MUC6: variants seen among roughly 807,000 people sequenced by gnomAD.
MUC6 encodes the protein mucin 6, oligomeric mucus/gel-forming (gene/pseudogene), also known as mucin-6.
Under a neutral mutation model 201.5 loss-of-function variants are expected in MUC6, and 188 were observed. That is an observed-to-expected ratio of 0.93 (90% CI 0.83 to 1.05). MUC6 has a LOEUF of 1.05. Among genes scored for constraint, MUC6 ranks in the 50% least tolerant of loss-of-function variants. MUC6 has a pLI of 0.00. For missense variants in MUC6, 2,706 were observed against 3,256.9 expected (o/e 0.83, Z 4.12); for synonymous variants, 1,228 against 1,389.4 (o/e 0.88, Z 2.58).
intron 29 of MUC6, 76 bp downstream of exon 29, chr11:1,020,014 C>T: frequency 2.0e-6 from 3 of 1,526,676 alleles, no homozygotes; most frequent in Non-Finnish European, 2.7e-6. Flanking sequence ...CAGGGCCATC[C>T]CTAAGCCCAC....
At chr11:1,027,089 G>C (rs781350262) in intron 18 of MUC6, 39 bp from the exon 19 acceptor site, 1 of 1,609,440 alleles carries the variant, frequency 6.2e-7, no homozygotes, top group Admixed American at 1.7e-5. Context: ...ACACTCAGAG[G>C]AAGCCGGGGC....
intron 1 of MUC6, among the ~76,000 whole-genome samples, chr11:1,034,286 C>T (rs889011480): frequency 3.9e-5 from 6 of 152,304 alleles, no homozygotes; most frequent in Admixed American, 1.3e-4. Context: ...GCCTTGAGAT[C>T]GTTTTCTGAT....
chr11:1,014,677 G>A lies in MUC6; in HGVS notation c.7040-676C>T, dbSNP rs575071876. ...TTTAAAAGTGGAAAAGGAGTCCTGGGGTAAAGGCTGGACTCTGCTGCCCGT... is the reference window on the plus strand; with the variant it reads ...TTTAAAAGTGGAAAAGGAGTCCTGGAGTAAAGGCTGGACTCTGCTGCCCGT... On this transcript the variant is annotated intron_variant, in intron 31 of 32. Transcript: ENST00000421673. Among the ~76,000 whole-genome samples, 3 of 152,208 alleles carry A rather than the reference G, an allele frequency of 2.0e-5. No individual in the cohort carries two copies. The South Asian group carries it at 6.2e-4, about 31-fold the overall frequency.
In MUC6 at chr11:1,028,398, G is replaced by A. The variant is rs375767760; in HGVS notation, c.1592-11C>T. On this transcript the variant is annotated splice_polypyrimidine_tract_variant and intron_variant, in intron 13 of 32. Coordinates refer to ENST00000421673, the MANE Select transcript of MUC6 (RefSeq NM_005961.3). ...AGTTGCCGCAGAGCCCTGAGCCGGCGGGGCGTGAGCTCGACTTGAACCCAT... is the reference window on the plus strand; with the variant it reads ...AGTTGCCGCAGAGCCCTGAGCCGGCAGGGCGTGAGCTCGACTTGAACCCAT... 1.3e-5 allele frequency: 21 copies of A among 1,610,602 alleles called. No individual in the cohort carries two copies. The highest frequency in any genetic ancestry group is 6.7e-5 in the African/African-American group (5 of 75,046).
At position 1,017,607 on chromosome 11, in the gene MUC6, C is replaced by A. The variant is rs775218057; in HGVS notation, c.5194G>T (p.Gly1732Trp). 1.3e-5 allele frequency: 16 copies of A among 1,243,304 alleles called. No individual in the cohort carries two copies. The highest frequency in any genetic ancestry group is 1.7e-5 in the Non-Finnish European group (16 of 948,484). The allele number at this position is 1,243,304 out of a possible 1,614,324, so 77.0% of individuals were successfully genotyped here. ...AATGAGCTTCGGGATTGGCTGGTCC[C>A]ACTGGTGGTCACTGTCATTGGTGGG... ...GTPPMTVTTSGTSQSRSSFST... is the reference protein window; with the variant it reads ...GTPPMTVTTSWTSQSRSSFST... Residue 1732 changes from glycine to tryptophan, a missense_variant, in exon 31 of 33, where the codon GGG (glycine) becomes TGG (tryptophan). This residue lies in a region of MUC6 where 23 missense variants were observed against 16.1 expected (regional missense o/e 1.42). Transcript: ENST00000421673.
intron 16 of MUC6, 41 bp downstream of exon 16, chr11:1,027,644 C>T: frequency 6.3e-7 from 1 of 1,577,454 alleles, no homozygotes; most frequent in Non-Finnish European, 8.6e-7. Context: ...CTCGTGAGCC[C>T]AGCCTGCCGT....
chr11:1,034,677 C>T (rs1857177818), intron 1 of MUC6, among the ~76,000 whole-genome samples: 1 of 152,202 alleles, frequency 6.6e-6, no homozygotes, highest in Admixed American at 6.5e-5. Context: ...CTGGGCAATG[C>T]CCCCTGCAAC....
At position 1,018,625 on chromosome 11, in the gene MUC6, T is replaced by C; in HGVS notation, c.4176A>G (p.Arg1392=). The stretch of plus-strand genomic sequence containing the variant: ...GGGGCGTTGTGTATTCAGTAGTCGT[T>C]CTTGTTTGAGTGGTCTCTGTGGCTG... ...RPTATETTQT[R]TTTEYTTPQT... Residue 1392 remains arginine, a synonymous_variant, in exon 31 of 33, where the codon AGA becomes AGG. Coordinates refer to ENST00000421673, the MANE Select transcript of MUC6 (RefSeq NM_005961.3). 6.2e-7 allele frequency: 1 copy of C among 1,612,680 alleles called. No individual in the cohort carries two copies. The highest frequency in any genetic ancestry group is 1.3e-5 in the African/African-American group (1 of 74,592).
At chr11:1,027,864 G>A (rs1265669955) in intron 15 of MUC6, 47 bp from the exon 16 acceptor site, 1 of 1,592,462 alleles carries the variant, frequency 6.3e-7, no homozygotes, top group Non-Finnish European at 8.5e-7. Context: ...ACCCTGCCCT[G>A]GGGACATGGG....
At chr11:1,030,164 GT>G in intron 8 of MUC6, 48 bp downstream of exon 8, 1 of 1,514,514 alleles carries the variant, frequency 6.6e-7, no homozygotes, top group Non-Finnish European at 8.9e-7. Context: ...TTGTCTCTGG[GT>G]TCTCTCTAGG....
At chr11:1,031,117 G>GGGGGCC in intron 5 of MUC6, 52 bp downstream of exon 5, 3 of 1,230,414 alleles carry the variant, frequency 2.4e-6, no homozygotes, top group Non-Finnish European at 2.1e-6. Context: ...CCCCTGCCCT[G>GGGGGCC]CCCCCCACCT....
chr11:1,013,863 G>A, intron 32 of MUC6, 36 bp downstream of exon 32: 1 of 1,569,298 alleles, frequency 6.4e-7, no homozygotes, highest in Non-Finnish European at 8.6e-7. Context: ...GAGCACCTTG[G>A]TGGACGTGGG....
At position 1,013,338 on chromosome 11, in the gene MUC6, G is replaced by C. The variant is rs1221462265; in HGVS notation, c.*118C>G. The C allele has an allele frequency of 8.6e-7, 1 of 1,159,308 alleles. No individual in the cohort carries two copies. The highest frequency in any genetic ancestry group is 1.2e-6 in the Non-Finnish European group (1 of 838,848). The allele number at this position is 1,159,308 out of a possible 1,614,324, so 71.8% of individuals were successfully genotyped here. ...GGGAGCCACGGCCCAGGGCACTTGG[G>C]GGCCAGGCCTGGTGACCAGGAAAGC... is the stretch of plus-strand genomic sequence containing the variant. On this transcript the variant is annotated 3_prime_UTR_variant, in exon 33 of 33. Transcript: ENST00000421673.
At chr11:1,021,733 C>T (rs1365231697) in intron 26 of MUC6, among the ~76,000 whole-genome samples, 1 of 151,998 alleles carries the variant, frequency 6.6e-6, no homozygotes, top group Non-Finnish European at 1.5e-5. Context: ...GCTTATCACC[C>T]GGGGCTGGGG....
chr11:1,027,431 CGGT>C lies in MUC6; in HGVS notation c.2065_2067del (p.Thr689del), dbSNP rs763666613. On this transcript the variant is annotated inframe_deletion, in exon 17 of 33. Coordinates refer to ENST00000421673, the MANE Select transcript of MUC6 (RefSeq NM_005961.3). ...ACGGGCACGGCGCTGTGGTGGCACT[CGGT>C]GGCACGGTCCGACAGCGACAGGCAG... is the stretch of plus-strand genomic sequence containing the variant. 5.6e-6 allele frequency: 9 copies of C among 1,612,650 alleles called. No homozygotes were observed. The highest frequency in any genetic ancestry group is 1.3e-5 in the African/African-American group (1 of 74,928).
rs771233673 is a variant in MUC6, at chr11:1,028,870, AGACT to A, written c.1453+15_1453+18del. On this transcript the variant is annotated intron_variant, in intron 12 of 32. Transcript: ENST00000421673. ...CGAAGGCACAACTCTGGGGGGCCAC[AGACT>A]GGGCCAGGACGTACGAGTCTTGTAT... The A allele has an allele frequency of 3.7e-6, 6 of 1,611,210 alleles. No homozygotes were observed. Among genetic ancestry groups the A allele is most frequent in the Non-Finnish European group, 5.1e-6 (6 of 1,179,850 alleles).
chr11:1,014,034 G>C, intron 31 of MUC6, 33 bp from the exon 32 acceptor site: 1 of 1,557,868 alleles, frequency 6.4e-7, no homozygotes, highest in African/African-American at 1.4e-5. Context: ...GCAGCGCCCA[G>C]GGTGGGCATG....
intron 21 of MUC6, 31 bp downstream of exon 21, chr11:1,025,969 C>T (rs373612552): frequency 1.3e-4 from 212 of 1,587,854 alleles, no homozygotes; most frequent in Non-Finnish European, 1.1e-4. Flanking sequence ...TCTGGGTCCC[C>T]GGCCCCTGCG....
intron 2 of MUC6, 123 bp downstream of exon 2, chr11:1,032,889 GT>G: frequency 1.3e-6 from 1 of 761,264 alleles, no homozygotes; most frequent in South Asian, 1.9e-5. Context: ...GTGTGTTCAT[GT>G]TGGTGCATAT....
Sources: allele counts gnomAD v4.1 joint callset (sites outside exome capture counted in the v4.1 genomes callset), GRCh38; gene constraint gnomAD v4.1.1; regional missense constraint gnomAD v4.1.1; transcripts MANE v1.5; gene names NCBI Gene and HGNC (gene_info 2026-07-23, HGNC 2026-07-21).